Variants in CNOT8 observed in about 807,000 individuals in gnomAD.
CNOT8 encodes CCR4-NOT transcription complex subunit 8.
CNOT8 carries 18 observed loss-of-function variants against 34.6 expected under a neutral mutation model. The ratio of observed to expected loss-of-function variants is 0.52; its 90% CI spans 0.36 to 0.77. CNOT8 has a LOEUF of 0.77. Among genes scored for constraint, CNOT8 ranks in the 30% least tolerant of loss-of-function variants. The probability of loss-of-function intolerance (pLI) is 0.00; values close to 1 mark genes in which losing one functional copy is unlikely to be tolerated. For missense variants in CNOT8, 189 were observed against 347.9 expected (o/e 0.54, Z 3.63); for synonymous variants, 101 against 118.8 (o/e 0.85, Z 0.98).
chr5:154,864,240 C>G (rs972000397), intron 2 of CNOT8, among the ~76,000 whole-genome samples: 1 of 152,166 alleles, frequency 6.6e-6, no homozygotes, highest in Non-Finnish European at 1.5e-5. Context: ...ACGGGCGGAT[C>G]ACGAGGTCAG....
intron 6 of CNOT8, among the ~76,000 whole-genome samples, chr5:154,873,171 G>A (rs1312040379): frequency 6.6e-6 from 1 of 152,252 alleles, no homozygotes; most frequent in African/African-American, 2.4e-5. Flanking sequence ...CTCCCAAAGT[G>A]CTGGGATTAC....
At chr5:154,873,969 G>A (rs931128928) in intron 6 of CNOT8, among the ~76,000 whole-genome samples, 1 of 152,106 alleles carries the variant, frequency 6.6e-6, no homozygotes, top group African/African-American at 2.4e-5. Flanking sequence ...CCCCAGTAGT[G>A]CCACAGTGGA....
At chr5:154,861,560 C>T (rs1487698368) in intron 1 of CNOT8, among the ~76,000 whole-genome samples, 1 of 152,166 alleles carries the variant, frequency 6.6e-6, no homozygotes, top group African/African-American at 2.4e-5. Flanking sequence ...TTGCTCTGTC[C>T]CTTGGGAACC....
chr5:154,865,210 G>A lies in CNOT8; in HGVS notation c.136G>A (p.Val46Ile), dbSNP rs1385124321. The A allele has an allele frequency of 6.3e-7, 1 of 1,597,768 alleles. No individual in the cohort carries two copies. The highest frequency in any genetic ancestry group is 8.5e-7 in the Non-Finnish European group (1 of 1,173,688). The change falls in exon 3 of 7, where the codon GTT (valine) becomes ATT (isoleucine). Residue 46 changes from valine to isoleucine, a missense_variant. Around this residue, in one of 2 missense-constraint regions of CNOT8, gnomAD observed 160 missense variants for 321.9 expected, o/e 0.50. Transcript: ENST00000285896. ...YIAMDTEFPG[V>I]VVRPIGEFRS... ...TTTCCAGGACACAGAATTTCCAGGT[G>A]TTGTGGTGCGACCAATTGGTGAATT...
chr5:154,869,191 C>T (rs1487515334), intron 3 of CNOT8, among the ~76,000 whole-genome samples: 1 of 152,062 alleles, frequency 6.6e-6, no homozygotes, highest in Non-Finnish European at 1.5e-5. Flanking sequence ...GCTTTCTCAG[C>T]TCACTGCAAC....
At chr5:154,860,921 GT>G in intron 1 of CNOT8, among the ~76,000 whole-genome samples, 1 of 152,182 alleles carries the variant, frequency 6.6e-6, no homozygotes, top group African/African-American at 2.4e-5. Context: ...GTTGTGTGGG[GT>G]TTTTTGTTGT....
At chr5:154,870,164 C>T (rs763445482) in intron 3 of CNOT8, among the ~76,000 whole-genome samples, 17 of 152,158 alleles carry the variant, frequency 1.1e-4, no homozygotes, top group Non-Finnish European at 2.2e-4. Flanking sequence ...TCACCTCAGC[C>T]TCCGGAGTAG....
chr5:154,867,744 C>A, intron 3 of CNOT8: 2 of 261,874 alleles, frequency 7.6e-6, no homozygotes, highest in South Asian at 6.0e-5. Flanking sequence ...AGCTAAAAGA[C>A]ATAGGAGAAC....
chr5:154,865,569 A>T (rs766556188), intron 3 of CNOT8, among the ~76,000 whole-genome samples, 184 bp downstream of exon 3: 7 of 152,300 alleles, frequency 4.6e-5, no homozygotes, highest in Admixed American at 1.3e-4. Context: ...TGTGCAAAAG[A>T]TAGACTTTTC....
Position 154,870,557 on chromosome 5 carries a change from A to T in CNOT8, c.312-104A>T, listed in dbSNP as rs1762396346. The T allele has an allele frequency of 7.0e-6, 6 of 855,086 alleles. No individual in the cohort carries two copies. The East Asian group carries it at 1.5e-4, about 22-fold the overall frequency. 53.0% of individuals were successfully genotyped at this position (855,086 alleles called of 1,614,324 possible). ...ATTGATCTATTAAGTTAGGAAAAGC[A>T]TTTCAAAAATACTTGTACTATAATT... On this transcript the variant is annotated intron_variant, in intron 3 of 6. Transcript: ENST00000285896.
intron 1 of CNOT8, 71 bp from the exon 2 acceptor site, chr5:154,863,136 T>C (rs1271271848): frequency 1.5e-6 from 1 of 648,572 alleles, no homozygotes; most frequent in Admixed American, 2.4e-5. Context: ...AATATTATTT[T>C]GATGTCTTTG....
intron 6 of CNOT8, among the ~76,000 whole-genome samples, chr5:154,873,594 T>C (rs1762679934): frequency 6.6e-6 from 1 of 152,214 alleles, no homozygotes; most frequent in Non-Finnish European, 1.5e-5. Context: ...TATTCAAAGA[T>C]GTAGAAGGAG....
intron 1 of CNOT8, chr5:154,859,211 G>C (rs577900583): frequency 6.6e-6 from 1 of 152,390 alleles, no homozygotes; most frequent in South Asian, 2.1e-4. Flanking sequence ...GTGTCAGAAG[G>C]AGGAGGACTG....
rs1762891747 is a variant in CNOT8 at position 154,875,833 on chromosome 5, A to G, written c.*394A>G. 6.1e-6 allele frequency: 1 copy of G among 163,484 alleles called. No homozygotes were observed. Among genetic ancestry groups the G allele is most frequent in the Admixed American group, 5.9e-5 (1 of 17,060 alleles). 10.1% of individuals were successfully genotyped at this position (163,484 alleles called of 1,614,324 possible). On this transcript the variant is annotated 3_prime_UTR_variant, in exon 7 of 7. Coordinates refer to ENST00000285896, the MANE Select transcript of CNOT8 (RefSeq NM_001301073.2). ...TTGTTGCTAATCTCTGATAATGAAG[A>G]TTCTTACTCTGATTCTCAGCTGAGC... is the stretch of plus-strand genomic sequence containing the variant.
intron 1 of CNOT8, among the ~76,000 whole-genome samples, chr5:154,862,261 AGG>A (rs1761420439): frequency 8.7e-6 from 1 of 114,712 alleles, no homozygotes; most frequent in Non-Finnish European, 1.8e-5. Context: ...TCACAAGGTC[AGG>A]GGTTCAAGAC....
In CNOT8 at chr5:154,876,424, G is replaced by A. The variant is rs999332761; in HGVS notation, c.*985G>A. On this transcript the variant is annotated 3_prime_UTR_variant, in exon 7 of 7. Coordinates refer to ENST00000285896, the MANE Select transcript of CNOT8 (RefSeq NM_001301073.2). The stretch of plus-strand genomic sequence containing the variant: ...AGGAATGTGTCTTTAAAAAGCTAGA[G>A]TGGTTACATTTAATCAGGCAGTAAG... 6.6e-6 allele frequency: 1 copy of A among 152,190 alleles called. No individual in the cohort carries two copies. The highest frequency in any genetic ancestry group is 2.4e-5 in the African/African-American group (1 of 41,438). The allele number at this position is 152,190 out of a possible 1,614,324, so 9.4% of individuals were successfully genotyped here. A position where few individuals can be genotyped will look rare whatever the true frequency, so the allele number is the denominator to read the frequency against.
At position 154,858,704 on chromosome 5, in the gene CNOT8, T is replaced by TCAGCCCGC. The variant is rs559776472; in HGVS notation, c.-124_-117dup. ...GGCTGCCGTCGCCGCCGTCGGGGAG[T>TCAGCCCGC]CAGCCCGCCAGCCCGCCAGCTCGTC... On this transcript the variant is annotated 5_prime_UTR_variant, in exon 1 of 7. Coordinates refer to ENST00000285896, the MANE Select transcript of CNOT8 (RefSeq NM_001301073.2). 9.4e-3 allele frequency: 1,427 copies of TCAGCCCGC among 151,868 alleles called. 11 individuals are homozygous for TCAGCCCGC. The highest frequency in any genetic ancestry group is 0.015 in the Non-Finnish European group (1,044 of 68,022). The allele number at this position is 151,868 out of a possible 1,614,324, so 9.4% of individuals were successfully genotyped here. A position where few individuals can be genotyped will look rare whatever the true frequency, so the allele number is the denominator to read the frequency against.
chr5:154,875,665 TACTC>T lies in CNOT8; in HGVS notation c.*227_*230del. 1 of 450,748 alleles carries T rather than the reference TACTC, an allele frequency of 2.2e-6. No individual in the cohort carries two copies. Among genetic ancestry groups the T allele is most frequent in the Non-Finnish European group, 3.9e-6 (1 of 255,436 alleles). The allele number at this position is 450,748 out of a possible 1,614,324, so 27.9% of individuals were successfully genotyped here. On this transcript the variant is annotated 3_prime_UTR_variant, in exon 7 of 7. Coordinates refer to ENST00000285896, the MANE Select transcript of CNOT8 (RefSeq NM_001301073.2). ...GTAAATAAGTCTTCCCCATTCCTCA[TACTC>T]GAGCCTCTCCTCTCTGGTTGCCTCC... is the stretch of plus-strand genomic sequence containing the variant.
At chr5:154,869,155 T>C (rs889789390) in intron 3 of CNOT8, among the ~76,000 whole-genome samples, 2 of 152,110 alleles carry the variant, frequency 1.3e-5, no homozygotes, top group African/African-American at 4.8e-5. Context: ...GTTTCGCTCC[T>C]GTTGCCCAGG....
Sources: gnomAD v4.1 joint callset for allele counts (sites outside exome capture counted in the v4.1 genomes callset) on GRCh38, gnomAD v4.1.1 for gene constraint, gnomAD v4.1.1 regional missense constraint, MANE v1.5 for transcripts, NCBI Gene and HGNC (gene_info 2026-07-23, HGNC 2026-07-21) for gene names.